CORIN: variants seen among roughly 807,000 people sequenced by gnomAD.
CORIN encodes the protein corin, serine peptidase.
In CORIN, 117 loss-of-function variants were observed where a neutral mutation model predicts 125.3. The ratio of observed to expected loss-of-function variants is 0.93; its 90% CI spans 0.80 to 1.09. The LOEUF (loss-of-function observed/expected upper bound fraction) is 1.09, where lower values mean the gene tolerates loss of function less well. Ranked by LOEUF, CORIN falls within the 50% of genes least tolerant of loss-of-function variation. CORIN has a pLI of 0.00. For missense variants in CORIN, 1,253 were observed against 1,306.7 expected, an observed-to-expected ratio of 0.96 and a Z score of 0.63; for synonymous variants, 450 against 466.4, an observed-to-expected ratio of 0.96 and a Z score of 0.45.
chr4:47,772,847 T>C (rs1730112620), intron 3 of CORIN, among the ~76,000 whole-genome samples: 1 of 152,186 alleles, frequency 6.6e-6, no homozygotes, highest in South Asian at 2.1e-4. Flanking sequence ...TGTATCCATG[T>C]TACATAGGTA....
At chr4:47,813,857 G>C (rs992495952) in intron 1 of CORIN, among the ~76,000 whole-genome samples, 2 of 152,100 alleles carry the variant, frequency 1.3e-5, no homozygotes, top group African/African-American at 4.8e-5. Flanking sequence ...GGTGGATTTA[G>C]CTAAAATTCT....
At chr4:47,757,878 G>GTATATATATATATATATATATATGTA (rs1729241606) in intron 4 of CORIN, among the ~76,000 whole-genome samples, 4 of 123,922 alleles carry the variant, frequency 3.2e-5, no homozygotes, top group Admixed American at 8.3e-5. Context: ...ATATATATAT[G>GTATATATATATATATATATATATGTA]TATATATATA....
rs771598741 is a variant in CORIN at position 47,643,183 on chromosome 4, TTCACCA to T, written c.2025_2030del (p.Asp675_Gly676del). ...CATCTGAACTGTCTGAGCAGTCGGC[TTCACCA>T]TCACACCACAGGTCACGTGACACAC... On this transcript the variant is annotated inframe_deletion, in exon 15 of 22. Coordinates refer to ENST00000273857, the MANE Select transcript of CORIN (RefSeq NM_006587.4). The T allele has an allele frequency of 6.2e-7, 1 of 1,614,090 alleles. No homozygotes were observed. The highest frequency in any genetic ancestry group is 1.1e-5 in the South Asian group (1 of 91,080).
chr4:47,756,713 T>C (rs1729164155), intron 4 of CORIN, among the ~76,000 whole-genome samples: 1 of 152,138 alleles, frequency 6.6e-6, no homozygotes, highest in South Asian at 2.1e-4. Context: ...CAAATCAATA[T>C]GTCAGAGGGA....
intron 1 of CORIN, among the ~76,000 whole-genome samples, chr4:47,820,319 G>C (rs977487731): frequency 1.3e-5 from 2 of 152,042 alleles, no homozygotes; most frequent in African/African-American, 4.8e-5. Flanking sequence ...TAGGAGCTTG[G>C]GTCTGGGGTT....
At chr4:47,652,390 A>G (rs1723771182) in intron 13 of CORIN, among the ~76,000 whole-genome samples, 1 of 152,234 alleles carries the variant, frequency 6.6e-6, no homozygotes, top group Admixed American at 6.5e-5. Context: ...GCAATATTTC[A>G]TACTTCAAAG....
intron 6 of CORIN, among the ~76,000 whole-genome samples, chr4:47,686,899 C>T (rs1725545210): frequency 6.6e-6 from 1 of 152,112 alleles, no homozygotes; most frequent in African/African-American, 2.4e-5. Context: ...TCTGATTAAC[C>T]TAAGAACACA....
chr4:47,818,427 C>T (rs569422132), intron 1 of CORIN, among the ~76,000 whole-genome samples: 2 of 152,200 alleles, frequency 1.3e-5, no homozygotes, highest in African/African-American at 4.8e-5. Flanking sequence ...CCAAAGAAAT[C>T]AAACAGAGGA....
intron 3 of CORIN, among the ~76,000 whole-genome samples, chr4:47,766,911 C>T (rs1560539674): frequency 7.0e-6 from 1 of 142,618 alleles, no homozygotes; most frequent in African/African-American, 2.7e-5. Context: ...CATGTCACTG[C>T]ACTCCAGTCT....
At chr4:47,614,454 C>A (rs573077769) in intron 19 of CORIN, among the ~76,000 whole-genome samples, 68 of 152,320 alleles carry the variant, frequency 4.5e-4, no homozygotes, top group Non-Finnish European at 7.8e-4. Flanking sequence ...CCACCTCAGC[C>A]TCCCAAAGTG....
intron 19 of CORIN, among the ~76,000 whole-genome samples, chr4:47,614,235 C>T (rs1286462029): frequency 6.6e-6 from 1 of 152,120 alleles, no homozygotes; most frequent in Non-Finnish European, 1.5e-5. Context: ...TCTTGTTGCC[C>T]AGGCTGGAGT....
At chr4:47,666,698 G>T (rs1023997489) in intron 10 of CORIN, among the ~76,000 whole-genome samples, 1 of 152,100 alleles carries the variant, frequency 6.6e-6, no homozygotes, top group Non-Finnish European at 1.5e-5. Context: ...TAAAGCTCTC[G>T]CTCTCTCAGC....
At chr4:47,680,028 C>G in intron 8 of CORIN, 113 bp downstream of exon 8, 1 of 636,954 alleles carries the variant, frequency 1.6e-6, no homozygotes, top group South Asian at 1.9e-5. Flanking sequence ...AAGAATCTTT[C>G]CCTTGGAATG....
At chr4:47,823,550 A>G (rs1284169044) in intron 1 of CORIN, among the ~76,000 whole-genome samples, 1 of 152,214 alleles carries the variant, frequency 6.6e-6, no homozygotes, top group East Asian at 1.9e-4. Flanking sequence ...ACATATGTAC[A>G]CATACACATA....
chr4:47,696,392 A>C (rs1440117710), intron 5 of CORIN, among the ~76,000 whole-genome samples: 1 of 152,206 alleles, frequency 6.6e-6, no homozygotes, highest in Non-Finnish European at 1.5e-5. Flanking sequence ...CATTCATTGA[A>C]TATATATTTA....
intron 1 of CORIN, among the ~76,000 whole-genome samples, chr4:47,818,227 C>T (rs1202975161): frequency 6.6e-6 from 1 of 152,084 alleles, no homozygotes; most frequent in Non-Finnish European, 1.5e-5. Flanking sequence ...ACATAAGTTT[C>T]CTTAAGAGAA....
chr4:47,765,323 A>C (rs1419262676), intron 3 of CORIN, among the ~76,000 whole-genome samples: 2 of 152,114 alleles, frequency 1.3e-5, no homozygotes, highest in Admixed American at 1.3e-4. Flanking sequence ...AAAAAAAAAA[A>C]AAAAGAATCC....
At chr4:47,660,972 T>C (rs1724223803) in intron 12 of CORIN, among the ~76,000 whole-genome samples, 1 of 152,222 alleles carries the variant, frequency 6.6e-6, no homozygotes, top group Non-Finnish European at 1.5e-5. Flanking sequence ...GTGGTACATA[T>C]ATGCAATGGA....
chr4:47,811,448 G>T (rs1483595744), intron 1 of CORIN, among the ~76,000 whole-genome samples: 1 of 152,120 alleles, frequency 6.6e-6, no homozygotes, highest in Admixed American at 6.5e-5. Context: ...GGCAGCATTT[G>T]ACTTTGTCAA....
Sources: gnomAD v4.1 joint callset for allele counts (sites outside exome capture counted in the v4.1 genomes callset) on GRCh38, gnomAD v4.1.1 for gene constraint, MANE v1.5 for transcripts, NCBI Gene and HGNC (gene_info 2026-07-23, HGNC 2026-07-21) for gene names.